The following SNX3 variants were observed in gnomAD, a reference collection of about 807,000 sequenced individuals.
SNX3 encodes the protein sorting nexin 3, also known as sorting nexin-3.
Under a neutral mutation model 17.7 loss-of-function variants are expected in SNX3, and 5 were observed. The observed-to-expected ratio is 0.28, with a 90% CI of 0.15 to 0.59. The LOEUF (loss-of-function observed/expected upper bound fraction) is 0.59. Among genes scored for constraint, SNX3 ranks in the 20% least tolerant of loss-of-function variants. SNX3 has a pLI of 0.88. For missense variants in SNX3, 132 were observed against 206.8 expected, an observed-to-expected ratio of 0.64 and a Z score of 2.22; for synonymous variants, 91 against 76.5, an observed-to-expected ratio of 1.19 and a Z score of -0.99.
intron 2 of SNX3, chr6:108,222,426 A>G (rs1774819692): frequency 8.8e-7 from 1 of 1,133,374 alleles, no homozygotes; most frequent in African/African-American, 1.6e-5. Context: ...GTGTTTTTAA[A>G]TTGCCGGCAG....
At position 108,212,229 on chromosome 6, in the gene SNX3, T is replaced by C. The variant is rs1774428473; in HGVS notation, c.409A>G (p.Asn137Asp). ...AAAAACATGTGAAGACAACGTTCGT[T>C]CTGTGCCAGAGGATGACCAGCGACC... ...NKVAGHPLAQ[N>D]ERCLHMFLQD... is the part of the protein sequence containing the mutation. The change falls in exon 4 of 4, where the codon AAC (asparagine) becomes GAC (aspartate). Residue 137 changes from asparagine (N) to aspartate (D), a missense_variant. Asn to Asp is a conservative substitution (Grantham distance 23, BLOSUM62 1). This residue lies in a region of SNX3 where 54 missense variants were observed against 118.0 expected (regional missense o/e 0.46). Coordinates refer to ENST00000230085, the MANE Select transcript of SNX3 (RefSeq NM_003795.6). 1 of 1,612,102 alleles carries C rather than the reference T, an allele frequency of 6.2e-7. No homozygotes were observed. Among genetic ancestry groups the C allele is most frequent in the African/African-American group, 1.3e-5 (1 of 74,828 alleles).
chr6:108,240,100 C>A (rs1396883919), intron 1 of SNX3, among the ~76,000 whole-genome samples: 3 of 152,308 alleles, frequency 2.0e-5, no homozygotes, highest in African/African-American at 7.2e-5. Context: ...ACAAACATGT[C>A]AAACCACTAT....
At chr6:108,236,916 T>C (rs545815499) in intron 1 of SNX3, among the ~76,000 whole-genome samples, 14 of 152,206 alleles carry the variant, frequency 9.2e-5, no homozygotes, top group Non-Finnish European at 1.8e-4. Flanking sequence ...AATTTGCAGA[T>C]TGACAGTAGT....
At chr6:108,249,574 G>C (rs1180019209) in intron 1 of SNX3, among the ~76,000 whole-genome samples, 2 of 152,152 alleles carry the variant, frequency 1.3e-5, no homozygotes, top group African/African-American at 4.8e-5. Context: ...TGAACCTGCT[G>C]CCCACTAGTT....
At chr6:108,212,280 T>C in intron 3 of SNX3, 26 bp from the exon 4 acceptor site, 1 of 1,464,398 alleles carries the variant, frequency 6.8e-7, no homozygotes, top group Non-Finnish European at 9.5e-7. Context: ...ATAAATTTAG[T>C]CCAATATTTT....
At chr6:108,255,817 CAAG>C (rs1415113771) in intron 1 of SNX3, among the ~76,000 whole-genome samples, 1 of 152,160 alleles carries the variant, frequency 6.6e-6, no homozygotes, top group Non-Finnish European at 1.5e-5. Context: ...AAAACATATA[CAAG>C]TTTAGAACGG....
chr6:108,240,194 G>A (rs527433079), intron 1 of SNX3, among the ~76,000 whole-genome samples: 5 of 152,146 alleles, frequency 3.3e-5, no homozygotes, highest in Non-Finnish European at 7.4e-5. Flanking sequence ...CAGTTATGAA[G>A]AGCAGAAGTC....
chr6:108,230,523 T>C (rs1318664222), intron 1 of SNX3, among the ~76,000 whole-genome samples: 2 of 152,152 alleles, frequency 1.3e-5, no homozygotes, highest in Admixed American at 1.3e-4. Context: ...AAGTACAGCA[T>C]AGGGCAAGAA....
chr6:108,222,840 G>T (rs1774841216), intron 2 of SNX3, 110 bp downstream of exon 2: 8 of 713,976 alleles, frequency 1.1e-5, no homozygotes, highest in Non-Finnish European at 1.7e-5. Context: ...TTGAAAAAAA[G>T]AAATCATATT....
At chr6:108,221,001 A>C (rs1774753289) in intron 2 of SNX3, among the ~76,000 whole-genome samples, 1 of 152,066 alleles carries the variant, frequency 6.6e-6, no homozygotes, top group Non-Finnish European at 1.5e-5. Flanking sequence ...TGTCTGGTAG[A>C]ACAAATAACC....
chr6:108,215,915 A>T (rs1006567225), intron 2 of SNX3, among the ~76,000 whole-genome samples: 2 of 152,280 alleles, frequency 1.3e-5, no homozygotes, highest in Non-Finnish European at 1.5e-5. Flanking sequence ...GGTGACAGCG[A>T]GACCCCGTCT....
chr6:108,259,171 C>T (rs1776115365), intron 1 of SNX3, among the ~76,000 whole-genome samples: 1 of 152,154 alleles, frequency 6.6e-6, no homozygotes, highest in Non-Finnish European at 1.5e-5. Flanking sequence ...GAATGTAGTT[C>T]CCCAGGTGTA....
At chr6:108,256,700 CT>C (rs1435366921) in intron 1 of SNX3, among the ~76,000 whole-genome samples, 1 of 152,172 alleles carries the variant, frequency 6.6e-6, no homozygotes, top group African/African-American at 2.4e-5. Context: ...TAAAATAGAT[CT>C]TGATTAACTT....
intron 1 of SNX3, among the ~76,000 whole-genome samples, chr6:108,229,836 T>C (rs1775087357): frequency 6.6e-6 from 1 of 152,186 alleles, no homozygotes; most frequent in African/African-American, 2.4e-5. Context: ...AAAGTTTAAA[T>C]TGCACTCTAA....
At chr6:108,226,335 A>G (rs561839703) in intron 1 of SNX3, among the ~76,000 whole-genome samples, 1 of 152,288 alleles carries the variant, frequency 6.6e-6, no homozygotes, top group South Asian at 2.1e-4. Flanking sequence ...TGGACTCCCA[A>G]AGTGCTGGGA....
chr6:108,249,639 A>C (rs1229483174), intron 1 of SNX3, among the ~76,000 whole-genome samples: 2 of 152,146 alleles, frequency 1.3e-5, no homozygotes, highest in Admixed American at 6.6e-5. Flanking sequence ...TTTACATAAA[A>C]GGTTTCGAGT....
intron 2 of SNX3, chr6:108,222,335 A>T: frequency 3.1e-6 from 4 of 1,303,922 alleles, no homozygotes; most frequent in Non-Finnish European, 4.0e-6. Flanking sequence ...AATGAGAGAC[A>T]CCAGAGTGAG....
At chr6:108,231,205 C>T (rs1026128876) in intron 1 of SNX3, among the ~76,000 whole-genome samples, 5 of 151,972 alleles carry the variant, frequency 3.3e-5, no homozygotes, top group African/African-American at 1.2e-4. Context: ...CCTGCCTCAG[C>T]CTTCCGAGTA....
chr6:108,248,539 A>C (rs1775758691), intron 1 of SNX3, among the ~76,000 whole-genome samples: 1 of 152,248 alleles, frequency 6.6e-6, no homozygotes, highest in Non-Finnish European at 1.5e-5. Flanking sequence ...TTAGAAAAAA[A>C]CAATTGATCG....
Sources: gnomAD v4.1 joint callset for allele counts (sites outside exome capture counted in the v4.1 genomes callset) on GRCh38, gnomAD v4.1.1 for gene constraint, gnomAD v4.1.1 regional missense constraint, MANE v1.5 for transcripts, NCBI Gene and HGNC (gene_info 2026-07-23, HGNC 2026-07-21) for gene names.